Variants in HMCN2 observed in about 807,000 individuals in gnomAD.
HMCN2 encodes the protein hemicentin-2.
In HMCN2, 325 loss-of-function variants were observed where a neutral mutation model predicts 377.5. The observed-to-expected ratio is 0.86, with a 90% confidence interval of 0.79 to 0.94. HMCN2 has a LOEUF of 0.94. Among genes scored for constraint, HMCN2 ranks in the 40% least tolerant of loss-of-function variants. The pLI is 0.00. For missense variants in HMCN2, 4,543 were observed against 4,725.3 expected (o/e 0.96, Z 1.13); for synonymous variants, 2,007 against 2,046.8 (o/e 0.98, Z 0.53).
chr9:130,332,433 C>A (rs1838475115), intron 22 of HMCN2, among the ~76,000 whole-genome samples: 1 of 152,186 alleles, frequency 6.6e-6, no homozygotes, highest in Non-Finnish European at 1.5e-5. Flanking sequence ...AGTGGGTCTG[C>A]CTGCCTGGTA....
chr9:130,373,751 G>A (rs1235439406), intron 48 of HMCN2, among the ~76,000 whole-genome samples: 1 of 151,334 alleles, frequency 6.6e-6, no homozygotes, highest in Non-Finnish European at 1.5e-5. Flanking sequence ...ATGGATAGAT[G>A]GATAGGTAGG....
Position 130,351,329 on chromosome 9 carries a change from C to G in HMCN2, c.4431-94C>G. 2.0e-6 allele frequency: 2 copies of G among 1,023,836 alleles called. No individual in the cohort carries two copies. The highest frequency in any genetic ancestry group is 3.0e-4 in the Middle Eastern group (1 of 3,368). 63.4% of individuals were successfully genotyped at this position (1,023,836 alleles called of 1,614,324 possible). ...CTCTTGGCGCTAATGAATGGCCCAG[C>G]CTCGCTTTTTACAAGCCACACACTC... On this transcript the variant is annotated intron_variant, in intron 29 of 97. Transcript: ENST00000683500. This position sits in a 1 kb window ranked among gnomAD's most constrained non-coding sequence, Gnocchi z 5.4.
chr9:130,275,383 G>T (rs570308106), intron 1 of HMCN2, among the ~76,000 whole-genome samples: 1 of 152,318 alleles, frequency 6.6e-6, no homozygotes, highest in East Asian at 1.9e-4. Flanking sequence ...GACTCTGGTT[G>T]CATGTTCCGG....
At chr9:130,381,046 A>G (rs955617672) in intron 54 of HMCN2, among the ~76,000 whole-genome samples, 25 of 151,920 alleles carry the variant, frequency 1.6e-4, no homozygotes, top group African/African-American at 5.8e-4. Context: ...CTGCCCACTT[A>G]CCTCCAACCC....
At chr9:130,290,620 G>A (rs1213059229) in intron 4 of HMCN2, among the ~76,000 whole-genome samples, 1 of 152,136 alleles carries the variant, frequency 6.6e-6, no homozygotes, top group African/African-American at 2.4e-5. Flanking sequence ...CTCCAGCTGG[G>A]AGTCCTCAGC....
chr9:130,429,888 G>A, intron 94 of HMCN2: 5 of 1,013,100 alleles, frequency 4.9e-6, no homozygotes, highest in Non-Finnish European at 6.9e-6. Flanking sequence ...GCACTCACTG[G>A]GTGCCTGCCT....
intron 77 of HMCN2, among the ~76,000 whole-genome samples, chr9:130,401,709 C>T (rs1283462341): frequency 6.6e-6 from 1 of 152,146 alleles, no homozygotes; most frequent in Admixed American, 6.6e-5. Flanking sequence ...TTTGTTAGTT[C>T]GTTAGCGAAA....
chr9:130,350,734 A>AAATATAT (rs767172633), intron 29 of HMCN2, among the ~76,000 whole-genome samples: 6 of 148,510 alleles, frequency 4.0e-5, no homozygotes, highest in African/African-American at 1.5e-4. Context: ...AAAATACAAA[A>AAATATAT]ATATATATAT....
intron 60 of HMCN2, among the ~76,000 whole-genome samples, 155 bp downstream of exon 60, chr9:130,385,917 G>A (rs557894293): frequency 5.3e-5 from 8 of 152,186 alleles, no homozygotes; most frequent in Non-Finnish European, 8.8e-5. Context: ...CTTCCAGGGT[G>A]GAAGACATGG....
At chr9:130,420,988 G>A (rs7021133) in intron 86 of HMCN2, among the ~76,000 whole-genome samples, 20,530 of 152,030 alleles carry the variant, frequency 0.14, 2,462 homozygotes, top group African/African-American at 0.32. Context: ...CTGTGAAGAA[G>A]AAGGTAATTC....
chr9:130,433,224 G>C (rs1473830774), intron 97 of HMCN2, 124 bp from the exon 98 acceptor site: 3 of 714,392 alleles, frequency 4.2e-6, no homozygotes, highest in Admixed American at 4.2e-5. Context: ...GGCTCTGCGG[G>C]AGAAGGACGG....
intron 1 of HMCN2, among the ~76,000 whole-genome samples, chr9:130,282,969 G>T (rs1226861836): frequency 1.3e-5 from 2 of 152,318 alleles, no homozygotes; most frequent in Admixed American, 6.5e-5. Context: ...TACTCAGGGG[G>T]CTGAGGCAAG....
intron 22 of HMCN2, among the ~76,000 whole-genome samples, chr9:130,330,043 CT>C (rs1450927287): frequency 1.3e-5 from 2 of 151,652 alleles, no homozygotes; most frequent in Non-Finnish European, 2.9e-5. Context: ...TCCCCTTCCC[CT>C]CCCTTCCCCT....
intron 22 of HMCN2, among the ~76,000 whole-genome samples, chr9:130,330,968 AACACACACACAC>A (rs1173053980): frequency 2.4e-4 from 32 of 131,506 alleles, no homozygotes; most frequent in Middle Eastern, 3.7e-3. Context: ...TCTCTACTGA[AACACACACACAC>A]ACACACACAC....
chr9:130,403,386 G>C (rs568844824), intron 79 of HMCN2, 58 bp downstream of exon 79: 11 of 1,281,956 alleles, frequency 8.6e-6, no homozygotes, highest in East Asian at 5.6e-5. Context: ...GTCTGGGCAG[G>C]GGGGGAGTCC....
chr9:130,306,419 G>T (rs1554936789), intron 12 of HMCN2, 149 bp downstream of exon 12: 3 of 382,516 alleles, frequency 7.8e-6, no homozygotes, highest in Non-Finnish European at 1.6e-5. Context: ...TCCAGAGTGA[G>T]ATCACTTTGG....
chr9:130,372,091 T>C (rs1841054329), intron 46 of HMCN2, among the ~76,000 whole-genome samples: 1 of 152,244 alleles, frequency 6.6e-6, no homozygotes, highest in Non-Finnish European at 1.5e-5. Flanking sequence ...TTTATTCTGG[T>C]ACGTGTCTAA....
chr9:130,343,418 G>A, intron 25 of HMCN2, among the ~76,000 whole-genome samples: 1 of 152,152 alleles, frequency 6.6e-6, no homozygotes, highest in South Asian at 2.1e-4. Context: ...TCAGGGAGAG[G>A]CAGGTAGAAG....
At chr9:130,311,764 A>AG (rs1300705728) in intron 15 of HMCN2, among the ~76,000 whole-genome samples, 4 of 151,994 alleles carry the variant, frequency 2.6e-5, no homozygotes, top group African/African-American at 9.7e-5. Context: ...GAGGGTGGGG[A>AG]GGGGGCAGCA....
Sources: allele counts gnomAD v4.1 joint callset (sites outside exome capture counted in the v4.1 genomes callset), GRCh38; gene constraint gnomAD v4.1.1; non-coding constraint Gnocchi (gnomAD v3.1); transcripts MANE v1.5; gene names NCBI Gene and HGNC (gene_info 2026-07-23, HGNC 2026-07-21).